TMOD3: variants seen among roughly 807,000 people sequenced by gnomAD.
TMOD3 encodes the protein tropomodulin-3.
Under a neutral mutation model 39.2 loss-of-function variants are expected in TMOD3, and 20 were observed. That is an observed-to-expected ratio of 0.51 (90% confidence interval 0.36 to 0.74). TMOD3 has a LOEUF of 0.74. TMOD3 is among the 30% of genes least tolerant of loss of function. The probability of loss-of-function intolerance (pLI) is 0.00; values close to 1 mark genes in which losing one functional copy is unlikely to be tolerated. For synonymous variants in TMOD3, 143 were observed against 145.8 expected, an observed-to-expected ratio of 0.98 and a Z score of 0.14; for missense variants, 381 against 412.8, an observed-to-expected ratio of 0.92 and a Z score of 0.67.
intron 3 of TMOD3, among the ~76,000 whole-genome samples, chr15:51,879,856 T>TCTCACACACACACACACA (rs1555387131): frequency 1.1e-3 from 155 of 142,652 alleles, no homozygotes; most frequent in African/African-American, 3.9e-3. Flanking sequence ...TCTCTGTCTT[T>TCTCACACACACACACACA]CACACACACA....
intron 4 of TMOD3, among the ~76,000 whole-genome samples, chr15:51,887,915 T>G (rs536396737): frequency 6.6e-6 from 1 of 152,388 alleles, no homozygotes; most frequent in East Asian, 1.9e-4. Context: ...GCAAAATGTT[T>G]ATATTAAGAA....
rs1450593296 is a variant in TMOD3 at position 51,832,230 on chromosome 15, T to TATATATATATATA, written c.-75+2396_-75+2397insATATATATATAAT. On this transcript the variant is annotated intron_variant, in intron 1 of 9. Transcript: ENST00000308580. ...ATATATATATATATATATATATATA[T>TATATATATATATA]ATGAATGACATGGTTCCTGTCTAGG... Among the ~76,000 whole-genome samples the TATATATATATATA allele has an allele frequency of 2.3e-4, 32 of 136,630 alleles. 2 individuals carry two copies. The highest frequency in any genetic ancestry group is 8.3e-4 in the African/African-American group (30 of 36,108). 89.6% of individuals were successfully genotyped at this position (136,630 alleles called of 152,430 possible).
chr15:51,883,227 G>C (rs1166956774), intron 3 of TMOD3, among the ~76,000 whole-genome samples: 1 of 152,066 alleles, frequency 6.6e-6, no homozygotes, highest in African/African-American at 2.4e-5. Context: ...ATTTTTCTAG[G>C]TCCTTGGGAG....
chr15:51,853,068 G>A (rs1011587335), intron 1 of TMOD3, among the ~76,000 whole-genome samples: 6 of 152,174 alleles, frequency 3.9e-5, no homozygotes, highest in Admixed American at 2.6e-4. Context: ...AGACTTATAC[G>A]TAAGCCAAAA....
intron 1 of TMOD3, among the ~76,000 whole-genome samples, chr15:51,855,692 A>G (rs938399007): frequency 4.0e-4 from 61 of 152,220 alleles, no homozygotes; most frequent in African/African-American, 1.4e-3. Context: ...GTACTTTTCT[A>G]GCACACTGGT....
chr15:51,868,003 A>T (rs1181397633), intron 2 of TMOD3, among the ~76,000 whole-genome samples: 1 of 152,184 alleles, frequency 6.6e-6, no homozygotes, highest in African/African-American at 2.4e-5. Context: ...TGAGTATGTC[A>T]GGGGTCCCTT....
In TMOD3 at chr15:51,889,162, C is replaced by T. The variant is rs1208697386; in HGVS notation, c.496+17C>T. On this transcript the variant is annotated intron_variant, in intron 5 of 9. Coordinates refer to ENST00000308580, the MANE Select transcript of TMOD3 (RefSeq NM_014547.5). ...ATTTTTCAAGTGAGTACTTAAAATG[C>T]TTTGTGAATTCTAATCCTTTATTAA... The T allele has an allele frequency of 6.7e-7, 1 of 1,485,858 alleles. No individual in the cohort carries two copies. Among genetic ancestry groups the T allele is most frequent in the Admixed American group, 1.7e-5 (1 of 57,920 alleles). The allele number at this position is 1,485,858 out of a possible 1,614,324, so 92.0% of individuals were successfully genotyped here. A position where few individuals can be genotyped will look rare whatever the true frequency, so the allele number is the denominator to read the frequency against.
In TMOD3 at chr15:51,915,032, A is replaced by G. The variant is rs1393982480; in HGVS notation, c.*6222A>G. The stretch of plus-strand genomic sequence containing the variant: ...GGTGTTTGCCACCGCGCCCAGCCCA[A>G]ATTATTACATTCGTAAGACAGACAC... On this transcript the variant is annotated 3_prime_UTR_variant, in exon 10 of 10. Coordinates refer to ENST00000308580, the MANE Select transcript of TMOD3 (RefSeq NM_014547.5). 1 of 152,132 alleles carries G rather than the reference A, an allele frequency of 6.6e-6. No homozygotes were observed. Among genetic ancestry groups the G allele is most frequent in the Non-Finnish European group, 1.5e-5 (1 of 68,024 alleles). The allele number at this position is 152,132 out of a possible 1,614,324, so 9.4% of individuals were successfully genotyped here.
At chr15:51,888,698 AT>A (rs1319474182) in intron 4 of TMOD3, among the ~76,000 whole-genome samples, 2 of 152,220 alleles carry the variant, frequency 1.3e-5, no homozygotes, top group Non-Finnish European at 2.9e-5. Flanking sequence ...GCTTTTTGTC[AT>A]ATTATGTTCC....
At chr15:51,846,317 TCAAAACAAAA>T (rs375578220) in intron 1 of TMOD3, among the ~76,000 whole-genome samples, 22 of 152,004 alleles carry the variant, frequency 1.4e-4, no homozygotes, top group South Asian at 4.2e-4. Flanking sequence ...GGTAACAGGC[TCAAAACAAAA>T]CAAAACAAAA....
intron 1 of TMOD3, among the ~76,000 whole-genome samples, chr15:51,838,095 G>A (rs1034320438): frequency 2.6e-5 from 4 of 152,098 alleles, no homozygotes; most frequent in Non-Finnish European, 5.9e-5. Flanking sequence ...TGTAACACAG[G>A]GTGTGTGAAG....
intron 3 of TMOD3, among the ~76,000 whole-genome samples, chr15:51,872,224 G>A (rs1439821875): frequency 6.6e-6 from 1 of 151,990 alleles, no homozygotes. Context: ...GTGAAACCCC[G>A]TCTCTACTAA....
At chr15:51,843,598 C>T (rs2056322512) in intron 1 of TMOD3, among the ~76,000 whole-genome samples, 1 of 152,164 alleles carries the variant, frequency 6.6e-6, no homozygotes, top group African/African-American at 2.4e-5. Context: ...GTATTTTTTA[C>T]TTCCTCTTTT....
chr15:51,841,023 G>C (rs1051028039), intron 1 of TMOD3, among the ~76,000 whole-genome samples: 11 of 152,180 alleles, frequency 7.2e-5, no homozygotes, highest in Non-Finnish European at 1.2e-4. Flanking sequence ...TTTAGGGTCA[G>C]GTTCAAATCT....
intron 7 of TMOD3, among the ~76,000 whole-genome samples, chr15:51,899,511 C>G (rs562319036): frequency 6.6e-6 from 1 of 151,536 alleles, no homozygotes; most frequent in African/African-American, 2.4e-5. Context: ...ACAAAAAATA[C>G]AAAAATTAGC....
chr15:51,900,932 C>T (rs2056647016), intron 8 of TMOD3: 1 of 152,090 alleles, frequency 6.6e-6, no homozygotes, highest in Non-Finnish European at 1.5e-5. Context: ...AGTTTTGCAG[C>T]CATTACCACT....
chr15:51,863,042 A>G (rs1323438332), intron 2 of TMOD3, 32 bp downstream of exon 2: 7 of 1,593,170 alleles, frequency 4.4e-6, no homozygotes, highest in Middle Eastern at 3.4e-4. Flanking sequence ...GAAATGAAAT[A>G]ACTTTTCGAA....
At chr15:51,878,966 A>G (rs1487849963) in intron 3 of TMOD3, among the ~76,000 whole-genome samples, 3 of 152,234 alleles carry the variant, frequency 2.0e-5, no homozygotes, top group East Asian at 1.9e-4. Context: ...GGTGGGAGCT[A>G]TGACTAAGAT....
intron 1 of TMOD3, among the ~76,000 whole-genome samples, chr15:51,840,640 G>A (rs1409514668): frequency 6.6e-6 from 1 of 152,184 alleles, no homozygotes; most frequent in African/African-American, 2.4e-5. Context: ...AAAATAAGAT[G>A]TATTATAATA....
Sources: allele counts gnomAD v4.1 joint callset (sites outside exome capture counted in the v4.1 genomes callset), GRCh38; gene constraint gnomAD v4.1.1; transcripts MANE v1.5; gene names NCBI Gene and HGNC (gene_info 2026-07-23, HGNC 2026-07-21).